PDE4DIP: variants seen among roughly 807,000 people sequenced by gnomAD.
The protein encoded by PDE4DIP is phosphodiesterase 4D interacting protein.
Under a neutral mutation model 221.4 loss-of-function variants are expected in PDE4DIP, and 59 were observed. That is an observed-to-expected ratio of 0.27 (90% confidence interval 0.22 to 0.33). The LOEUF is 0.33. PDE4DIP is among the 10% of genes least tolerant of loss of function. PDE4DIP has a pLI of 1.00. For synonymous variants in PDE4DIP, 404 were observed against 815.9 expected, an observed-to-expected ratio of 0.50 and a Z score of 8.60; for missense variants, 1,036 against 2,154.2, an observed-to-expected ratio of 0.48 and a Z score of 10.28.
intron 2 of PDE4DIP, 180 bp from the exon 6 acceptor site, chr1:148,931,620 A>G: frequency 3.1e-6 from 2 of 641,804 alleles, no homozygotes; most frequent in East Asian, 5.3e-5. Flanking sequence ...AAACGTCTAA[A>G]AACAACAGAT....
chr1:149,031,890 T>A, intron 43 of PDE4DIP, 54 bp from the exon 47 acceptor site: 2 of 1,552,410 alleles, frequency 1.3e-6, no homozygotes, highest in Non-Finnish European at 1.8e-6. Flanking sequence ...CAGGTAGCCA[T>A]CAGTAGGGCC....
At chr1:149,019,492 G>A (rs1699810) in intron 35 of PDE4DIP, 2 of 152,038 alleles carry the variant, frequency 1.3e-5, no homozygotes, top group Non-Finnish European at 2.9e-5. Flanking sequence ...CTGTATTAGC[G>A]AGAAGATTTG....
At chr1:149,015,842 G>A (rs1451599437) in intron 32 of PDE4DIP, among the ~76,000 whole-genome samples, 3 of 152,300 alleles carry the variant, frequency 2.0e-5, no homozygotes, top group African/African-American at 7.2e-5. Context: ...CTCCAACGTG[G>A]AACGGACATA....
intron 1 of PDE4DIP, among the ~76,000 whole-genome samples, chr1:148,850,877 ACAGATCTC>A (rs1678838668): frequency 9.6e-6 from 1 of 104,466 alleles, no homozygotes; most frequent in Non-Finnish European, 2.3e-5. Context: ...ATTGTACTTA[ACAGATCTC>A]CATTGATAGC....
chr1:148,940,949 CAA>C (rs1184036431), intron 5 of PDE4DIP, among the ~76,000 whole-genome samples: 1 of 149,546 alleles, frequency 6.7e-6, no homozygotes, highest in Non-Finnish European at 1.5e-5. Flanking sequence ...ATTCAAATTC[CAA>C]AAGTCATTTG....
intron 32 of PDE4DIP, among the ~76,000 whole-genome samples, chr1:149,014,770 A>T (rs2069846525): frequency 6.7e-6 from 1 of 148,388 alleles, no homozygotes; most frequent in Non-Finnish European, 1.5e-5. Flanking sequence ...ACAGTGGTGC[A>T]TGGTGGCCTC....
intron 1 of PDE4DIP, chr1:148,844,521 G>T (rs1553380527): frequency 9.0e-6 from 1 of 111,140 alleles, no homozygotes; most frequent in Non-Finnish European, 1.8e-5. Context: ...GCCGCTCTGA[G>T]TCCAGCCTCC....
At chr1:148,953,528 C>A (rs1359587421) in intron 5 of PDE4DIP, 1 of 1,614,088 alleles carries the variant, frequency 6.2e-7, no homozygotes, top group East Asian at 2.2e-5. Context: ...TGCAAGCGTC[C>A]AGGCTAGCCC....
At chr1:148,985,431 A>G (rs1408085643) in intron 21 of PDE4DIP, 3 of 152,204 alleles carry the variant, frequency 2.0e-5, no homozygotes, top group African/African-American at 7.2e-5. Flanking sequence ...CCTTTGCACC[A>G]GTAGCTTTGT....
chr1:148,919,601 G>A (rs1425820274), intron 1 of PDE4DIP, among the ~76,000 whole-genome samples: 2 of 151,834 alleles, frequency 1.3e-5, no homozygotes, highest in African/African-American at 2.4e-5. Flanking sequence ...TGTCAGAGAA[G>A]CCTGGAGAAA....
intron 1 of PDE4DIP, among the ~76,000 whole-genome samples, chr1:148,822,422 A>G (rs2149829290): frequency 7.2e-6 from 1 of 138,888 alleles, no homozygotes; most frequent in Non-Finnish European, 1.6e-5. Context: ...GCTGCATTCA[A>G]TTCTCATAGG....
chr1:149,031,827 T>C, intron 43 of PDE4DIP, 117 bp from the exon 47 acceptor site: 2 of 900,096 alleles, frequency 2.2e-6, no homozygotes, highest in Non-Finnish European at 3.5e-6. Context: ...TCCTCTTAAC[T>C]GGCTCTCACC....
chr1:148,947,078 G>A (rs1431486645), intron 5 of PDE4DIP, among the ~76,000 whole-genome samples: 1 of 152,302 alleles, frequency 6.6e-6, no homozygotes, highest in African/African-American at 2.4e-5. Flanking sequence ...TAACTAAACT[G>A]AAAGCTCATT....
At chr1:149,030,754 T>C (rs1352104292) in intron 43 of PDE4DIP, 5 of 985,220 alleles carry the variant, frequency 5.1e-6, no homozygotes, top group Middle Eastern at 5.2e-4. Flanking sequence ...TTGATTTTGC[T>C]ATATCTTTAA....
At chr1:148,973,365 C>T (rs1481628577) in intron 16 of PDE4DIP, among the ~76,000 whole-genome samples, 1 of 149,434 alleles carries the variant, frequency 6.7e-6, no homozygotes, top group Non-Finnish European at 1.5e-5. Flanking sequence ...CTCCTGACCT[C>T]GTGATCCGCC....
At chr1:148,989,349 T>C (rs1256279861) in intron 21 of PDE4DIP, 31 of 925,580 alleles carry the variant, frequency 3.3e-5, no homozygotes, top group Non-Finnish European at 4.0e-5. Context: ...AGTGTCGAGA[T>C]GAGATGAGCA....
intron 21 of PDE4DIP, among the ~76,000 whole-genome samples, chr1:148,989,737 AT>A (rs2062637616): frequency 6.6e-6 from 1 of 152,232 alleles, no homozygotes; most frequent in Non-Finnish European, 1.5e-5. Flanking sequence ...GAGTGAGACA[AT>A]TCATTTCCTT....
chr1:149,032,465 A>G (rs868961326), exon 44 of PDE4DIP: 2 of 380,892 alleles, frequency 5.3e-6, no homozygotes, highest in African/African-American at 4.0e-5. Context: ...GCCCTGCCGG[A>G]CACTGCTGGC....
At chr1:148,892,298 ATT>A (rs11394469) in intron 1 of PDE4DIP, among the ~76,000 whole-genome samples, 1 of 114,148 alleles carries the variant, frequency 8.8e-6, no homozygotes, top group Non-Finnish European at 1.7e-5. Flanking sequence ...CCCCACCAGG[ATT>A]TTTTTTTTTT....
Sources: gnomAD v4.1 joint callset for allele counts (sites outside exome capture counted in the v4.1 genomes callset) on GRCh38, gnomAD v4.1.1 for gene constraint, MANE v1.5 for transcripts, NCBI Gene and HGNC (gene_info 2026-07-23, HGNC 2026-07-21) for gene names.